RIN3: variants seen among roughly 807,000 people sequenced by gnomAD.
RIN3 encodes RAB5 interacting protein 3.
RIN3 carries 54 observed loss-of-function variants against 76.3 expected under a neutral mutation model. That is an observed-to-expected ratio of 0.71 (90% CI 0.57 to 0.89). RIN3 has a LOEUF of 0.89. RIN3 is among the 40% of genes least tolerant of loss of function. The pLI is 0.00. For missense variants in RIN3, 1,256 were observed against 1,322.1 expected, an observed-to-expected ratio of 0.95 and a Z score of 0.78; for synonymous variants, 576 against 564.0, an observed-to-expected ratio of 1.02 and a Z score of -0.30.
At chr14:92,525,855 C>T (rs187169860) in intron 1 of RIN3, among the ~76,000 whole-genome samples, 290 of 152,318 alleles carry the variant, frequency 1.9e-3, no homozygotes, top group Non-Finnish European at 3.4e-3. Context: ...ATAGGCAGTG[C>T]TGTGGCCACA....
chr14:92,673,828 G>T (rs1216431128), intron 7 of RIN3, among the ~76,000 whole-genome samples: 1 of 152,176 alleles, frequency 6.6e-6, no homozygotes, highest in Non-Finnish European at 1.5e-5. Flanking sequence ...GTGAAGTCAG[G>T]CTGTTGTCTG....
At chr14:92,548,741 C>G (rs1897343845) in intron 1 of RIN3, among the ~76,000 whole-genome samples, 1 of 152,104 alleles carries the variant, frequency 6.6e-6, no homozygotes, top group South Asian at 2.1e-4. Context: ...CCACTCTAAA[C>G]TTAGGATGAT....
chr14:92,650,381 C>T (rs1184287697), intron 5 of RIN3, among the ~76,000 whole-genome samples: 2 of 152,200 alleles, frequency 1.3e-5, no homozygotes, highest in African/African-American at 2.4e-5. Context: ...GATCAGGGGT[C>T]GGCAAGATAA....
chr14:92,559,073 G>T (rs776613857), intron 2 of RIN3, among the ~76,000 whole-genome samples: 1 of 151,974 alleles, frequency 6.6e-6, no homozygotes, highest in Non-Finnish European at 1.5e-5. Context: ...CACCATGTTG[G>T]CCAGGCTGGT....
chr14:92,663,182 A>G (rs1357137033), intron 7 of RIN3, among the ~76,000 whole-genome samples: 1 of 152,220 alleles, frequency 6.6e-6, no homozygotes, highest in African/African-American at 2.4e-5. Flanking sequence ...AAGTATATCT[A>G]CATTGTGGAA....
chr14:92,547,986 G>T (rs1180927964), intron 1 of RIN3, among the ~76,000 whole-genome samples: 2 of 152,176 alleles, frequency 1.3e-5, no homozygotes, highest in African/African-American at 4.8e-5. Context: ...TTACAGGCAT[G>T]AGTCACCGCA....
rs143719593 is a variant in RIN3 at position 92,652,255 on chromosome 14, G to A, written c.1206G>A (p.Pro402=). The part of the protein sequence containing the change: ...SERVSLEDQS[P]GMAAEGDQLS... ...GGGTGTCCTTAGAAGACCAAAGTCCGGGGATGGCGGCAGAGGGGGACCAGC... is the reference window on the plus strand; with the variant it reads ...GGGTGTCCTTAGAAGACCAAAGTCCAGGGATGGCGGCAGAGGGGGACCAGC... The change falls in exon 6 of 10, where the codon CCG becomes CCA. Residue 402 remains proline (P), a synonymous_variant. Coordinates refer to ENST00000216487, the MANE Select transcript of RIN3 (RefSeq NM_024832.5). The surrounding 1 kb of genome is among the most constrained non-coding windows in gnomAD (Gnocchi z 6.4). 120 of 1,610,918 alleles carry A rather than the reference G, an allele frequency of 7.4e-5. 1 individual carries two copies. The African/African-American group carries it at 1.0e-3, about 14-fold the overall frequency.
chr14:92,615,074 C>A (rs1229280948), intron 3 of RIN3, among the ~76,000 whole-genome samples: 1 of 151,984 alleles, frequency 6.6e-6, no homozygotes, highest in African/African-American at 2.4e-5. Context: ...AACTCCTGAC[C>A]TTGTGATTCG....
Position 92,688,581 on chromosome 14 carries a change from A to C in RIN3, c.*329A>C. The C allele has an allele frequency of 2.7e-6, 1 of 369,410 alleles. No individual in the cohort carries two copies. Among genetic ancestry groups the C allele is most frequent in the Non-Finnish European group, 4.9e-6 (1 of 202,598 alleles). The allele number at this position is 369,410 out of a possible 1,614,324, so 22.9% of individuals were successfully genotyped here. ...CACGTAGCTCCTCAGGCCATTCCCC[A>C]TGAGTCCCCCACACCCACCCCATCC... On this transcript the variant is annotated 3_prime_UTR_variant, in exon 10 of 10. Transcript: ENST00000216487.
intron 5 of RIN3, 72 bp from the exon 6 acceptor site, chr14:92,651,510 A>AC: frequency 4.1e-6 from 2 of 493,400 alleles, no homozygotes; most frequent in Non-Finnish European, 7.0e-6. Context: ...CCCCGCCCAC[A>AC]GACCCCGCCC....
chr14:92,569,635 T>C (rs1898011023), intron 2 of RIN3, among the ~76,000 whole-genome samples: 1 of 151,768 alleles, frequency 6.6e-6, no homozygotes, highest in Admixed American at 6.6e-5. Context: ...ACAGGGTCCA[T>C]GTCCGAACAA....
chr14:92,561,586 A>G (rs924696681), intron 2 of RIN3, among the ~76,000 whole-genome samples: 3 of 151,970 alleles, frequency 2.0e-5, no homozygotes, highest in African/African-American at 4.8e-5. Context: ...AGTTTCCCCC[A>G]TTGTTAACAT....
intron 1 of RIN3, among the ~76,000 whole-genome samples, chr14:92,546,279 T>G (rs915091839): frequency 6.6e-6 from 1 of 152,230 alleles, no homozygotes. Context: ...TGGGGGTGCA[T>G]GTGATCTTCT....
At chr14:92,618,116 G>C (rs1414849233) in intron 4 of RIN3, among the ~76,000 whole-genome samples, 10 of 152,058 alleles carry the variant, frequency 6.6e-5, no homozygotes, top group Admixed American at 6.5e-4. Context: ...AACCTGCATT[G>C]GGCCTTTATC....
chr14:92,630,366 C>A (rs12590218), intron 4 of RIN3, among the ~76,000 whole-genome samples: 11,951 of 152,182 alleles, frequency 0.079, 781 homozygotes, highest in East Asian at 0.27. Context: ...GTGGCACATG[C>A]CTGTAATCCC....
At chr14:92,533,756 T>C (rs186854004) in intron 1 of RIN3, among the ~76,000 whole-genome samples, 7 of 152,234 alleles carry the variant, frequency 4.6e-5, no homozygotes, top group Admixed American at 3.3e-4. Flanking sequence ...AGGCTACAAA[T>C]TGGGTACAGC....
chr14:92,665,315 C>T (rs1379936872), intron 7 of RIN3, among the ~76,000 whole-genome samples: 1 of 150,652 alleles, frequency 6.6e-6, no homozygotes, highest in Non-Finnish European at 1.5e-5. Context: ...CGTGGTCCAT[C>T]ATTGACCAAA....
chr14:92,623,555 T>C lies in RIN3; in HGVS notation c.440+8076T>C, dbSNP rs1416263704. Among the ~76,000 whole-genome samples, 1 of 152,230 alleles carries C rather than the reference T, an allele frequency of 6.6e-6. No individual in the cohort carries two copies. The highest frequency in any genetic ancestry group is 1.5e-5 in the Non-Finnish European group (1 of 68,030). On this transcript the variant is annotated intron_variant, in intron 4 of 9. Coordinates refer to ENST00000216487, the MANE Select transcript of RIN3 (RefSeq NM_024832.5). The surrounding 1 kb of genome is among the most constrained non-coding windows in gnomAD (Gnocchi z 4.9). ...CTGTGGGACTCCAATTTCATCTACATAGACATGAGAGTCGAAAGATCCTTG... is the reference window on the plus strand; with the variant it reads ...CTGTGGGACTCCAATTTCATCTACACAGACATGAGAGTCGAAAGATCCTTG...
chr14:92,641,917 C>T (rs980135431), intron 5 of RIN3, among the ~76,000 whole-genome samples: 2 of 152,124 alleles, frequency 1.3e-5, no homozygotes, highest in Non-Finnish European at 2.9e-5. Flanking sequence ...GGGCTCTTCC[C>T]ATGTATGGGC....
Sources: gnomAD v4.1 joint callset for allele counts (sites outside exome capture counted in the v4.1 genomes callset) on GRCh38, gnomAD v4.1.1 for gene constraint, Gnocchi (gnomAD v3.1) non-coding constraint, MANE v1.5 for transcripts, NCBI Gene and HGNC (gene_info 2026-07-23, HGNC 2026-07-21) for gene names.